TEAD3: variants seen among roughly 807,000 people sequenced by gnomAD.
TEAD3 encodes transcriptional enhancer factor TEF-5.
TEAD3 carries 15 observed loss-of-function variants against 55.6 expected under a neutral mutation model. That is an observed-to-expected ratio of 0.27 (90% CI 0.18 to 0.42). TEAD3 has a LOEUF of 0.42. TEAD3 is among the 10% of genes least tolerant of loss of function. The pLI, the probability that TEAD3 is intolerant of heterozygous loss-of-function variation, is 1.00. For missense variants in TEAD3, 407 were observed against 576.8 expected, an observed-to-expected ratio of 0.71 and a Z score of 3.01; for synonymous variants, 210 against 232.2, an observed-to-expected ratio of 0.90 and a Z score of 0.87.
In TEAD3 at chr6:35,479,292, C is replaced by T; in HGVS notation, c.342+13G>A. 1 of 1,613,930 alleles carries T rather than the reference C, an allele frequency of 6.2e-7. No individual in the cohort carries two copies. Among genetic ancestry groups the T allele is most frequent in the Non-Finnish European group, 8.5e-7 (1 of 1,179,788 alleles). On this transcript the variant is annotated intron_variant, in intron 5 of 12. Transcript: ENST00000639578. Reference sequence around the variant, plus strand: ...TTTCCCCCACTCCCACTGGGGAGGGCTGTGCTACTTACCAGGTTCATGGCC... The same window carrying T: ...TTTCCCCCACTCCCACTGGGGAGGGTTGTGCTACTTACCAGGTTCATGGCC...
At chr6:35,478,905 A>T (rs541782573) in intron 5 of TEAD3, among the ~76,000 whole-genome samples, 2 of 124,584 alleles carry the variant, frequency 1.6e-5, no homozygotes, top group Admixed American at 9.7e-5. Context: ...TTTGAGACGG[A>T]GTCTCGCTCT....
chr6:35,489,137 A>AGACT (rs1376577821), intron 1 of TEAD3, among the ~76,000 whole-genome samples: 15 of 152,234 alleles, frequency 9.9e-5, no homozygotes, highest in African/African-American at 3.6e-4. Context: ...TATTGAGTCT[A>AGACT]GACTTAATAT....
intron 9 of TEAD3, 73 bp downstream of exon 9, chr6:35,476,229 T>G: frequency 6.4e-7 from 1 of 1,566,294 alleles, no homozygotes; most frequent in South Asian, 1.2e-5. Context: ...AGATCCTGAG[T>G]TGCAGCCCTG....
At chr6:35,481,335 C>T (rs1055005822) in intron 3 of TEAD3, among the ~76,000 whole-genome samples, 1 of 152,120 alleles carries the variant, frequency 6.6e-6, no homozygotes, top group Admixed American at 6.5e-5. Context: ...CACACAGATC[C>T]TTGACGCCGC....
chr6:35,477,318 C>T, exon 8 of TEAD3: 4 of 1,608,264 alleles, frequency 2.5e-6, no homozygotes, highest in African/African-American at 1.3e-5. Flanking sequence ...TACTGCTGAG[C>T]GTCGGCGGCA....
downstream of TEAD3, chr6:35,474,301 CT>C (rs1406866663): frequency 1.3e-5 from 2 of 152,982 alleles, no homozygotes; most frequent in East Asian, 1.9e-4. Flanking sequence ...AGGTGCTCCC[CT>C]AACCCAGCGC....
In TEAD3 at chr6:35,496,740, T is replaced by G. The variant is rs1768672691; in HGVS notation, c.-50+158A>C. 6.6e-6 allele frequency among the ~76,000 whole-genome samples: 1 copy of G among 151,358 alleles called. No individual in the cohort carries two copies. ...TCCCGGAGAGATTTTCCCCCTTCCC[T>G]CTAAACTTCCCGGCACCCCGATCCG... On this transcript the variant is annotated intron_variant, in intron 1 of 12. Transcript: ENST00000639578. This position sits in a 1 kb window ranked among gnomAD's most constrained non-coding sequence, Gnocchi z 4.8.
chr6:35,495,227 C>T (rs545685384), intron 1 of TEAD3, among the ~76,000 whole-genome samples: 5 of 152,324 alleles, frequency 3.3e-5, no homozygotes, highest in African/African-American at 7.2e-5. Flanking sequence ...CAAATCCTCC[C>T]GGTTTTAACA....
intron 5 of TEAD3, 26 bp downstream of exon 5, chr6:35,479,279 C>T: frequency 6.2e-7 from 1 of 1,613,514 alleles, no homozygotes; most frequent in Non-Finnish European, 8.5e-7. Context: ...TCCCCCACTC[C>T]CACTGGGGAG....
At chr6:35,478,247 G>T (rs908699827) in intron 7 of TEAD3, 28 bp downstream of exon 7, 2 of 1,612,230 alleles carry the variant, frequency 1.2e-6, no homozygotes, top group African/African-American at 1.3e-5. Context: ...GAGGAAGAGG[G>T]CGTGGGATGA....
chr6:35,493,937 A>G (rs945578759), intron 1 of TEAD3, among the ~76,000 whole-genome samples: 1 of 152,206 alleles, frequency 6.6e-6, no homozygotes, highest in African/African-American at 2.4e-5. Context: ...TGGCACACAC[A>G]GAACATCCCC....
chr6:35,495,148 G>A (rs1768613582), intron 1 of TEAD3, among the ~76,000 whole-genome samples: 2 of 152,246 alleles, frequency 1.3e-5, no homozygotes, highest in Non-Finnish European at 2.9e-5. Flanking sequence ...AAGGTCCGGA[G>A]GGGACCAGAT....
chr6:35,486,814 C>A lies in TEAD3; in HGVS notation c.-49-103G>T. Reference sequence around the variant, plus strand: ...CTGGAGCTCCGCCCCCAGCCCCAAGCCCACCCTAGGAGCAGGTGCTCCAGG... The same window carrying A: ...CTGGAGCTCCGCCCCCAGCCCCAAGACCACCCTAGGAGCAGGTGCTCCAGG... On this transcript the variant is annotated intron_variant, in intron 1 of 12. Coordinates refer to ENST00000639578, the Ensembl canonical transcript of TEAD3. The surrounding 1 kb of genome is among the most constrained non-coding windows in gnomAD (Gnocchi z 7.3). The A allele has an allele frequency of 2.5e-6, 2 of 786,818 alleles. No individual in the cohort carries two copies. The highest frequency in any genetic ancestry group is 4.0e-6 in the Non-Finnish European group (2 of 504,752). The allele number at this position is 786,818 out of a possible 1,614,324, so 48.7% of individuals were successfully genotyped here. A position where few individuals can be genotyped will look rare whatever the true frequency, so the allele number is the denominator to read the frequency against.
chr6:35,487,249 A>T (rs1479487848), intron 1 of TEAD3, among the ~76,000 whole-genome samples: 3 of 152,032 alleles, frequency 2.0e-5, no homozygotes, highest in African/African-American at 7.3e-5. Context: ...GTGAAAACCC[A>T]TCTCTACCTA....
chr6:35,486,745 GTCC>G lies in TEAD3; in HGVS notation c.-49-37_-49-35del. 1 of 1,474,866 alleles carries G rather than the reference GTCC, an allele frequency of 6.8e-7. No homozygotes were observed. The highest frequency in any genetic ancestry group is 9.3e-7 in the Non-Finnish European group (1 of 1,079,078). The allele number at this position is 1,474,866 out of a possible 1,614,324, so 91.4% of individuals were successfully genotyped here. On this transcript the variant is annotated intron_variant, in intron 1 of 12. Coordinates refer to ENST00000639578, the Ensembl canonical transcript of TEAD3. This position sits in a 1 kb window ranked among gnomAD's most constrained non-coding sequence, Gnocchi z 7.3. ...CAGACAGACAGGAACTGGGACCAGG[GTCC>G]TCCTCGACCACAGCAATCTCCTATC...
chr6:35,479,536 CTCT>C (rs1768225352), intron 4 of TEAD3, among the ~76,000 whole-genome samples: 1 of 152,234 alleles, frequency 6.6e-6, no homozygotes, highest in Non-Finnish European at 1.5e-5. Context: ...AGCTGGTGCC[CTCT>C]GGGTCTGTCC....
chr6:35,477,393 T>A, intron 7 of TEAD3, 21 bp from the exon 8 acceptor site: 1 of 1,596,456 alleles, frequency 6.3e-7, no homozygotes. Context: ...GAGCACAGCC[T>A]GGTGAGAGGG....
In TEAD3 at chr6:35,485,323, TG is replaced by T. The variant is rs1768351589; in HGVS notation, c.203-700del. On this transcript the variant is annotated intron_variant, in intron 2 of 12. Coordinates refer to ENST00000639578, the Ensembl canonical transcript of TEAD3. The surrounding 1 kb of genome is among the most constrained non-coding windows in gnomAD (Gnocchi z 4.3). ...CACCCTGTGAGAGCCTTGTGAGCCT[TG>T]GGGTGCGGGGTCTGTTCTGCACCAC... Among the ~76,000 whole-genome samples the T allele has an allele frequency of 6.6e-6, 1 of 151,684 alleles. No homozygotes were observed. Among genetic ancestry groups the T allele is most frequent in the Admixed American group, 6.6e-5 (1 of 15,252 alleles).
chr6:35,495,158 T>TC (rs760669818), intron 1 of TEAD3, among the ~76,000 whole-genome samples: 2 of 152,182 alleles, frequency 1.3e-5, no homozygotes, highest in Non-Finnish European at 2.9e-5. Context: ...GGGGACCAGA[T>TC]CCCTATTTCT....
Sources: gnomAD v4.1 joint callset for allele counts (sites outside exome capture counted in the v4.1 genomes callset) on GRCh38, gnomAD v4.1.1 for gene constraint, Gnocchi (gnomAD v3.1) non-coding constraint, MANE v1.5 for transcripts, NCBI Gene and HGNC (gene_info 2026-07-23, HGNC 2026-07-21) for gene names.